PECAM1: variants seen among roughly 807,000 people sequenced by gnomAD.
PECAM1 encodes the protein platelet endothelial cell adhesion molecule.
Under a neutral mutation model 13.8 loss-of-function variants are expected in PECAM1, and 8 were observed. That is an observed-to-expected ratio of 0.58 (90% CI 0.34 to 1.05). PECAM1 has a LOEUF of 1.05. PECAM1 is among the 50% of genes least tolerant of loss of function. PECAM1 has a pLI of 0.03. For synonymous variants in PECAM1, 136 were observed against 52.6 expected, an observed-to-expected ratio of 2.58 and a Z score of -6.86; for missense variants, 304 against 141.2, an observed-to-expected ratio of 2.15 and a Z score of -5.84.
At chr17:64,382,756 G>A (rs2036508630) in intron 2 of PECAM1, among the ~76,000 whole-genome samples, 1 of 151,650 alleles carries the variant, frequency 6.6e-6, no homozygotes, top group Admixed American at 6.6e-5. Context: ...CATATTTAAG[G>A]CTGGGCGTGG....
intron 6 of PECAM1, among the ~76,000 whole-genome samples, chr17:64,361,129 ATGTGTGTG>A (rs145637288): frequency 1.5e-5 from 2 of 137,266 alleles, no homozygotes; most frequent in East Asian, 2.3e-4. Flanking sequence ...CTGAGCATAT[ATGTGTGTG>A]TGTGTGTGTG....
chr17:64,364,511 A>C (rs2036056832), intron 5 of PECAM1, among the ~76,000 whole-genome samples: 2 of 152,252 alleles, frequency 1.3e-5, no homozygotes, highest in Admixed American at 6.5e-5. Flanking sequence ...GGGCAGAGAT[A>C]CAACCAAAAA....
intron 5 of PECAM1, among the ~76,000 whole-genome samples, chr17:64,366,759 G>T (rs1449705466): frequency 1.4e-4 from 21 of 145,028 alleles, no homozygotes; most frequent in Admixed American, 1.0e-3. Flanking sequence ...TCACTCATAG[G>T]TGGGAATTGA....
chr17:64,367,011 A>AC (rs2036124612), intron 5 of PECAM1, among the ~76,000 whole-genome samples: 1 of 150,952 alleles, frequency 6.6e-6, no homozygotes, highest in Admixed American at 6.6e-5. Context: ...CATTTCAAAA[A>AC]AAAAAAAAAA....
chr17:64,343,983 G>T (rs1380074220), intron 13 of PECAM1, among the ~76,000 whole-genome samples: 1 of 152,180 alleles, frequency 6.6e-6, no homozygotes, highest in African/African-American at 2.4e-5. Context: ...AGGTGATCGG[G>T]CCTGGTCCCA....
intron 6 of PECAM1, among the ~76,000 whole-genome samples, chr17:64,360,642 A>C (rs952331685): frequency 2.2e-5 from 3 of 138,060 alleles, no homozygotes; most frequent in Admixed American, 7.6e-5. Context: ...GGGAAAGAGA[A>C]GTACAATAAG....
chr17:64,344,017 AG>A (rs1364311972), intron 13 of PECAM1, among the ~76,000 whole-genome samples: 1 of 152,192 alleles, frequency 6.6e-6, no homozygotes, highest in East Asian at 1.9e-4. Context: ...CCAGGCTGCG[AG>A]GCAGACAGGT....
At chr17:64,368,082 CAT>C (rs2036153501) in intron 5 of PECAM1, among the ~76,000 whole-genome samples, 3 of 152,178 alleles carry the variant, frequency 2.0e-5, no homozygotes, top group South Asian at 2.1e-4. Flanking sequence ...AATGCAGACA[CAT>C]GAGAACCCCT....
At chr17:64,349,745 C>T (rs1294276263) in intron 12 of PECAM1, among the ~76,000 whole-genome samples, 3 of 151,672 alleles carry the variant, frequency 2.0e-5, no homozygotes, top group Non-Finnish European at 2.9e-5. Flanking sequence ...ATTAGCCGGG[C>T]GTGGTGGCAG....
chr17:64,339,892 G>A (rs1051003331), intron 14 of PECAM1, among the ~76,000 whole-genome samples: 6 of 152,186 alleles, frequency 3.9e-5, no homozygotes, highest in African/African-American at 1.4e-4. Context: ...GCTCACGCTT[G>A]TAATCCCAGC....
intron 15 of PECAM1, among the ~76,000 whole-genome samples, chr17:64,326,727 G>A (rs1370171989): frequency 6.6e-6 from 1 of 152,204 alleles, no homozygotes; most frequent in African/African-American, 2.4e-5. Flanking sequence ...CAGGGCCTTA[G>A]GGATTTTGAA....
chr17:64,332,178 C>G (rs1251188851), intron 14 of PECAM1, among the ~76,000 whole-genome samples: 2 of 152,198 alleles, frequency 1.3e-5, no homozygotes, highest in Non-Finnish European at 2.9e-5. Context: ...TCTGTCCTGG[C>G]TGGGCCAGAG....
At chr17:64,348,734 G>A (rs1261345153) in intron 12 of PECAM1, among the ~76,000 whole-genome samples, 6 of 152,118 alleles carry the variant, frequency 3.9e-5, no homozygotes, top group South Asian at 2.1e-4. Context: ...CACTGCCCCC[G>A]GCTAGATTTT....
chr17:64,321,942 G>C lies in PECAM1; in HGVS notation c.*1874C>G. The C allele has an allele frequency of 7.6e-7, 1 of 1,321,386 alleles. No homozygotes were observed. The highest frequency in any genetic ancestry group is 1.0e-6 in the Non-Finnish European group (1 of 997,646). 81.9% of individuals were successfully genotyped at this position (1,321,386 alleles called of 1,614,324 possible). Reference sequence around the variant, plus strand: ...GATCATCAACAGAGACATGAAGGTCGTTAGAGGTCGTCTGATCCTTTGACC... The same window carrying C: ...GATCATCAACAGAGACATGAAGGTCCTTAGAGGTCGTCTGATCCTTTGACC... On this transcript the variant is annotated 3_prime_UTR_variant, in exon 16 of 16. Coordinates refer to ENST00000563924, the MANE Select transcript of PECAM1 (RefSeq NM_000442.5).
chr17:64,354,188 T>G (rs1568020933), intron 9 of PECAM1, among the ~76,000 whole-genome samples: 1 of 152,238 alleles, frequency 6.6e-6, no homozygotes, highest in Admixed American at 6.5e-5. Context: ...GTGATCTGCC[T>G]GCCTTGGCCT....
At chr17:64,387,522 C>T (rs968501078) in intron 2 of PECAM1, among the ~76,000 whole-genome samples, 3 of 152,104 alleles carry the variant, frequency 2.0e-5, no homozygotes, top group African/African-American at 7.2e-5. Flanking sequence ...AATAGAGATT[C>T]TAGAAGTGGT....
chr17:64,366,026 G>A (rs1296442574), intron 5 of PECAM1, among the ~76,000 whole-genome samples: 2 of 151,848 alleles, frequency 1.3e-5, no homozygotes, highest in Admixed American at 1.3e-4. Context: ...TACCATCAGA[G>A]TGAACAGGCA....
In PECAM1 at chr17:64,322,157, G is replaced by A. The variant is rs1208861717; in HGVS notation, c.*1659C>T. Reference sequence around the variant, plus strand: ...TGTGGAGCACACATGAGGACAAGGCGGGCAGATCACCAAAGGTCAGGCATT... The same window carrying A: ...TGTGGAGCACACATGAGGACAAGGCAGGCAGATCACCAAAGGTCAGGCATT... On this transcript the variant is annotated 3_prime_UTR_variant, in exon 16 of 16. Coordinates refer to ENST00000563924, the MANE Select transcript of PECAM1 (RefSeq NM_000442.5). The A allele has an allele frequency of 7.0e-6, 6 of 860,310 alleles. No homozygotes were observed. The East Asian group carries it at 3.4e-4, about 49-fold the overall frequency. The allele number at this position is 860,310 out of a possible 1,614,324, so 53.3% of individuals were successfully genotyped here.
At chr17:64,331,393 C>A (rs888282625) in intron 14 of PECAM1, among the ~76,000 whole-genome samples, 4 of 152,194 alleles carry the variant, frequency 2.6e-5, no homozygotes, top group Non-Finnish European at 5.9e-5. Flanking sequence ...GCCATGTTGG[C>A]CAGGCTGGTC....
Sources: allele counts gnomAD v4.1 joint callset (sites outside exome capture counted in the v4.1 genomes callset), GRCh38; gene constraint gnomAD v4.1.1; transcripts MANE v1.5; gene names NCBI Gene and HGNC (gene_info 2026-07-23, HGNC 2026-07-21).